VAT1L: variants seen among roughly 807,000 people sequenced by gnomAD.
VAT1L encodes putative NADPH-dependent quinone oxidoreductase VAT1L.
Under a neutral mutation model 44.1 loss-of-function variants are expected in VAT1L, and 34 were observed. That is an observed-to-expected ratio of 0.77 (90% CI 0.59 to 1.03). VAT1L has a LOEUF of 1.03. Ranked by LOEUF, VAT1L falls within the 50% of genes least tolerant of loss-of-function variation. The pLI is 0.00. For missense variants in VAT1L, 615 were observed against 538.8 expected, an observed-to-expected ratio of 1.14 and a Z score of -1.40; for synonymous variants, 253 against 202.2, an observed-to-expected ratio of 1.25 and a Z score of -2.13.
chr16:77,893,091 G>T (rs2017285519), intron 7 of VAT1L, among the ~76,000 whole-genome samples: 1 of 152,090 alleles, frequency 6.6e-6, no homozygotes, highest in Non-Finnish European at 1.5e-5. Flanking sequence ...GCAGAGTGAA[G>T]TTTATGATTA....
chr16:77,798,252 C>A (rs12149641), intron 1 of VAT1L, among the ~76,000 whole-genome samples: 35 of 152,264 alleles, frequency 2.3e-4, no homozygotes, highest in Non-Finnish European at 4.6e-4. Context: ...CTTTCTTAAC[C>A]TGGCACTAGC....
chr16:77,873,652 G>T (rs983086740), intron 4 of VAT1L, among the ~76,000 whole-genome samples: 3 of 152,162 alleles, frequency 2.0e-5, no homozygotes, highest in African/African-American at 7.2e-5. Context: ...TACAACCTAT[G>T]ATAGGTACTA....
chr16:77,851,929 A>G (rs887240802), intron 3 of VAT1L, among the ~76,000 whole-genome samples: 3 of 152,116 alleles, frequency 2.0e-5, no homozygotes, highest in African/African-American at 7.2e-5. Context: ...TCCTTCTTGT[A>G]CATTTGAGGG....
intron 7 of VAT1L, among the ~76,000 whole-genome samples, chr16:77,902,053 C>T (rs1004953149): frequency 6.6e-6 from 1 of 152,198 alleles, no homozygotes; most frequent in Non-Finnish European, 1.5e-5. Flanking sequence ...AATATAAACA[C>T]CAGTTATTTC....
chr16:77,876,124 C>T (rs1250417558), intron 4 of VAT1L, among the ~76,000 whole-genome samples: 2 of 152,196 alleles, frequency 1.3e-5, no homozygotes, highest in East Asian at 3.8e-4. Context: ...ATTCCTCTGG[C>T]CCAGGCTGGT....
chr16:77,918,885 A>G (rs1375568457), intron 7 of VAT1L, among the ~76,000 whole-genome samples: 1 of 152,196 alleles, frequency 6.6e-6, no homozygotes, highest in Non-Finnish European at 1.5e-5. Flanking sequence ...TTTGTTCAGT[A>G]GAATAAGTTC....
intron 7 of VAT1L, among the ~76,000 whole-genome samples, chr16:77,941,013 A>G (rs2017876259): frequency 6.6e-6 from 1 of 152,230 alleles, no homozygotes. Flanking sequence ...GTATCAAGTT[A>G]GAATGTATTA....
intron 7 of VAT1L, among the ~76,000 whole-genome samples, chr16:77,930,557 CA>C (rs1438440394): frequency 3.9e-5 from 6 of 152,312 alleles, no homozygotes; most frequent in African/African-American, 1.4e-4. Context: ...ACGTTCTTGA[CA>C]GGTTCCAGGG....
chr16:77,971,737 T>C, intron 7 of VAT1L, 113 bp from the exon 8 acceptor site: 4 of 1,131,522 alleles, frequency 3.5e-6, no homozygotes, highest in Non-Finnish European at 5.1e-6. Flanking sequence ...CCACTAAACT[T>C]GAGCCGCAGC....
At chr16:77,974,528 C>A (rs1310070031) in intron 8 of VAT1L, among the ~76,000 whole-genome samples, 3 of 152,144 alleles carry the variant, frequency 2.0e-5, no homozygotes, top group African/African-American at 7.2e-5. Flanking sequence ...TCTGCCTGTG[C>A]CACACACAAT....
Position 77,884,510 on chromosome 16 carries a change from C to T in VAT1L, c.883-98C>T, listed in dbSNP as rs544820482. ...TGGAATCTGCTGAGCTGCAGCCCCA[C>T]GTTCCCCCTGTAGTAGCTGATGACA... On this transcript the variant is annotated intron_variant, in intron 6 of 8. Coordinates refer to ENST00000302536, the MANE Select transcript of VAT1L (RefSeq NM_020927.3). The surrounding 1 kb of genome is among the most constrained non-coding windows in gnomAD (Gnocchi z 4.5). 1.9e-5 allele frequency: 23 copies of T among 1,236,940 alleles called. No homozygotes were observed. Among genetic ancestry groups the T allele is most frequent in the Admixed American group, 7.9e-5 (3 of 37,854 alleles). The allele number at this position is 1,236,940 out of a possible 1,614,324, so 76.6% of individuals were successfully genotyped here. A position where few individuals can be genotyped will look rare whatever the true frequency, so the allele number is the denominator to read the frequency against.
intron 3 of VAT1L, among the ~76,000 whole-genome samples, chr16:77,857,146 A>C (rs144863028): frequency 2.6e-5 from 4 of 152,346 alleles, no homozygotes; most frequent in Non-Finnish European, 2.9e-5. Context: ...AGGAAAATCC[A>C]TTAAAAACAA....
At chr16:77,940,889 AG>A (rs1347734567) in intron 7 of VAT1L, among the ~76,000 whole-genome samples, 1 of 152,144 alleles carries the variant, frequency 6.6e-6, no homozygotes, top group Non-Finnish European at 1.5e-5. Flanking sequence ...AATTATATTA[AG>A]ATTAAAGTCT....
intron 8 of VAT1L, among the ~76,000 whole-genome samples, chr16:77,973,405 C>G (rs2018301449): frequency 6.6e-6 from 1 of 152,090 alleles, no homozygotes; most frequent in Non-Finnish European, 1.5e-5. Flanking sequence ...CTGCCTCAGC[C>G]TCCTGAGTAG....
intron 8 of VAT1L, among the ~76,000 whole-genome samples, chr16:77,972,624 T>TA (rs1567527058): frequency 6.6e-6 from 1 of 151,772 alleles, no homozygotes; most frequent in African/African-American, 2.4e-5. Context: ...CTACTAAAAA[T>TA]ACAAAAATTA....
At chr16:77,967,748 G>A (rs1480348946) in intron 7 of VAT1L, among the ~76,000 whole-genome samples, 2 of 152,154 alleles carry the variant, frequency 1.3e-5, no homozygotes, top group Non-Finnish European at 2.9e-5. Context: ...TTACTGGAGA[G>A]GCAGCTTAAA....
chr16:77,811,841 C>T (rs1362401181), intron 1 of VAT1L, among the ~76,000 whole-genome samples: 1 of 152,142 alleles, frequency 6.6e-6, no homozygotes, highest in Non-Finnish European at 1.5e-5. Context: ...GCATACAAGT[C>T]AATGTCTTTT....
chr16:77,802,744 C>T (rs577922094), intron 1 of VAT1L, among the ~76,000 whole-genome samples: 2 of 152,164 alleles, frequency 1.3e-5, no homozygotes, highest in Admixed American at 1.3e-4. Context: ...CCTTAAGTGC[C>T]GCTGCTCCCT....
rs749718746 is a variant in VAT1L, at chr16:77,825,357, G to C, written c.475G>C (p.Ala159Pro). 1 of 1,614,186 alleles carries C rather than the reference G, an allele frequency of 6.2e-7. No individual in the cohort carries two copies. The part of the protein sequence containing the change: ...IPDDMSFSEA[A>P]AFPMNFVTAY... Reference sequence around the variant, plus strand: ...GGATGACATGAGCTTCTCCGAGGCTGCTGCATTCCCCATGAACTTCGTCAC... The same window carrying C: ...GGATGACATGAGCTTCTCCGAGGCTCCTGCATTCCCCATGAACTTCGTCAC... Residue 159 changes from alanine (A) to proline (P), a missense_variant, in exon 3 of 9, where the codon GCT (alanine) becomes CCT (proline). Coordinates refer to ENST00000302536, the MANE Select transcript of VAT1L (RefSeq NM_020927.3).
Sources: gnomAD v4.1 joint callset for allele counts (sites outside exome capture counted in the v4.1 genomes callset) on GRCh38, gnomAD v4.1.1 for gene constraint, Gnocchi (gnomAD v3.1) non-coding constraint, MANE v1.5 for transcripts, NCBI Gene and HGNC (gene_info 2026-07-23, HGNC 2026-07-21) for gene names.